Variants in USO1 observed in about 807,000 individuals in gnomAD.
USO1 encodes the protein USO1 vesicle transport factor.
In USO1, 57 loss-of-function variants were observed where a neutral mutation model predicts 124.5. The ratio of observed to expected loss-of-function variants is 0.46; its 90% CI spans 0.37 to 0.57. The LOEUF (loss-of-function observed/expected upper bound fraction) is 0.57, where lower values mean the gene tolerates loss of function less well. USO1 is among the 20% of genes least tolerant of loss of function. The probability of loss-of-function intolerance (pLI) is 0.00; values close to 1 mark genes in which losing one functional copy is unlikely to be tolerated. For synonymous variants in USO1, 369 were observed against 362.8 expected, an observed-to-expected ratio of 1.02 and a Z score of -0.19; for missense variants, 900 against 1,040.6, an observed-to-expected ratio of 0.86 and a Z score of 1.86.
Position 75,801,237 on chromosome 4 carries a change from C to G in USO1, c.1986+37C>G, listed in dbSNP as rs747072852. 6 of 1,503,036 alleles carry G rather than the reference C, an allele frequency of 4.0e-6. No homozygotes were observed. In the East Asian group the frequency reaches 1.2e-4, roughly 30 times the overall value. 93.1% of individuals were successfully genotyped at this position (1,503,036 alleles called of 1,614,324 possible). A position where few individuals can be genotyped will look rare whatever the true frequency, so the allele number is the denominator to read the frequency against. ...TGAACTGTATATACCCTCTGATTAC[C>G]AATAGGCACTTTCTGCTTTAAGGGA... On this transcript the variant is annotated intron_variant, in intron 17 of 23. Coordinates refer to ENST00000514213, the MANE Select transcript of USO1 (RefSeq NM_003715.4).
chr4:75,787,071 G>T lies in USO1; in HGVS notation c.865G>T (p.Val289Leu). 4 of 1,582,514 alleles carry T rather than the reference G, an allele frequency of 2.5e-6. No individual in the cohort carries two copies. Among genetic ancestry groups the T allele is most frequent in the South Asian group, 2.3e-5 (2 of 85,396 alleles). ...TCTCTTTCTTTCACAGCTTGTTCGT[G>T]TATTGGTATCTCCCACCAACCCTCC... ...NLHLMLQLVR[V>L]LVSPTNPPGA... is the part of the protein sequence containing the mutation. Residue 289 changes from valine to leucine, a missense_variant, in exon 10 of 24, where the codon GTA becomes TTA. Around this residue, in one of 2 missense-constraint regions of USO1, gnomAD observed 538 missense variants for 681.6 expected, o/e 0.79. Coordinates refer to ENST00000514213, the MANE Select transcript of USO1 (RefSeq NM_003715.4).
At chr4:75,780,536 G>C (rs1293787000) in intron 8 of USO1, among the ~76,000 whole-genome samples, 2 of 150,658 alleles carry the variant, frequency 1.3e-5, no homozygotes, top group East Asian at 3.9e-4. Flanking sequence ...CTCCCAAAGT[G>C]CTGGGATTAC....
intron 3 of USO1, among the ~76,000 whole-genome samples, chr4:75,754,287 TGATCAGG>T (rs1190753121): frequency 2.6e-5 from 4 of 151,662 alleles, no homozygotes; most frequent in Non-Finnish European, 4.4e-5. Context: ...TTCTCCATGT[TGATCAGG>T]CTGGTCTCGA....
rs985364442 is a variant in USO1, at chr4:75,753,668, T to C, written c.218+1064T>C. Among the ~76,000 whole-genome samples the C allele has an allele frequency of 7.9e-3, 1,196 of 152,224 alleles. 17 individuals carry two copies. Among genetic ancestry groups the C allele is most frequent in the African/African-American group, 0.027 (1,126 of 41,548 alleles). ...AGGAAGTCAAGGCTGCAGTGAGCCG[T>C]GATCATACCACTGTATTCCAACCTG... is the stretch of plus-strand genomic sequence containing the variant. On this transcript the variant is annotated intron_variant, in intron 3 of 23. Coordinates refer to ENST00000514213, the MANE Select transcript of USO1 (RefSeq NM_003715.4).
intron 4 of USO1, among the ~76,000 whole-genome samples, chr4:75,759,736 C>T (rs567055708): frequency 5.5e-4 from 84 of 151,430 alleles, no homozygotes; most frequent in African/African-American, 1.8e-3. Context: ...TGGAGAAACC[C>T]CGTCTCTACT....
In USO1 at chr4:75,724,968, T is replaced by A. The variant is rs770099076; in HGVS notation, c.66+83T>A. On this transcript the variant is annotated intron_variant, in intron 1 of 23. Transcript: ENST00000514213. ...AGCACTCGGAGACCCGAAGGTCACC[T>A]CCAGCGTCCCACCATGGAGGGGGCA... The A allele has an allele frequency of 2.0e-6, 3 of 1,486,130 alleles. No individual in the cohort carries two copies. The African/African-American group carries it at 4.2e-5, about 21-fold the overall frequency. The allele number at this position is 1,486,130 out of a possible 1,614,324, so 92.1% of individuals were successfully genotyped here.
intron 10 of USO1, 146 bp from the exon 11 acceptor site, chr4:75,790,004 A>G (rs1423870830): frequency 3.5e-5 from 31 of 891,910 alleles, no homozygotes; most frequent in Non-Finnish European, 4.8e-5. Context: ...ATATGTAACT[A>G]ACCTGCACAA....
chr4:75,770,863 T>TA lies in USO1; in HGVS notation c.439dup (p.Thr147AsnfsTer38). ...TCCGCTGGCCTGGTGTGAAGCTTCT[T>TA]ACTTCTCTTTTAAAACAACTAGGGC... On this transcript the variant is annotated frameshift_variant, in exon 6 of 24. Coordinates refer to ENST00000514213, the MANE Select transcript of USO1 (RefSeq NM_003715.4). LOFTEE classifies it high-confidence loss of function. 6.2e-7 allele frequency: 1 copy of TA among 1,613,878 alleles called. No individual in the cohort carries two copies. Among genetic ancestry groups the TA allele is most frequent in the Non-Finnish European group, 8.5e-7 (1 of 1,179,820 alleles).
At chr4:75,793,640 T>G in intron 12 of USO1, 50 bp from the exon 13 acceptor site, 1 of 1,546,972 alleles carries the variant, frequency 6.5e-7, no homozygotes, top group Non-Finnish European at 8.7e-7. Flanking sequence ...TAAAATTTGG[T>G]TTACGTCAAA....
At chr4:75,752,267 C>G (rs1210173000) in intron 1 of USO1, 106 bp from the exon 2 acceptor site, 2 of 395,476 alleles carry the variant, frequency 5.1e-6, no homozygotes, top group South Asian at 2.8e-4. Context: ...ATTTCTGTTA[C>G]ATCCCATGTG....
Position 75,758,066 on chromosome 4 carries a change from C to T in USO1, c.295+493C>T, listed in dbSNP as rs80173969. ...CTGTTTGGTGAACATTGCTATAAAT[C>T]GGTTTGAAATCCACACATTTCTTTG... On this transcript the variant is annotated intron_variant, in intron 4 of 23. Transcript: ENST00000514213. Among the ~76,000 whole-genome samples, 299 of 151,926 alleles carry T rather than the reference C, an allele frequency of 2.0e-3. 1 individual carries two copies. Among genetic ancestry groups the T allele is most frequent in the African/African-American group, 6.8e-3 (283 of 41,456 alleles).
rs536930150 is a variant in USO1, at chr4:75,749,683, GA to G, written c.67-2679del. Among the ~76,000 whole-genome samples, 142 of 137,178 alleles carry G rather than the reference GA, an allele frequency of 1.0e-3. 1 individual carries two copies. Among genetic ancestry groups the G allele is most frequent in the African/African-American group, 2.9e-3 (109 of 37,592 alleles). 90.0% of individuals were successfully genotyped at this position (137,178 alleles called of 152,430 possible). ...TACTTGCTTTTTTAATGATAGTCTT[GA>G]AAAAAAAAAAGTTAAAATACTAATT... On this transcript the variant is annotated intron_variant, in intron 1 of 23. Coordinates refer to ENST00000514213, the MANE Select transcript of USO1 (RefSeq NM_003715.4).
At chr4:75,791,598 A>G (rs1349544666) in intron 12 of USO1, among the ~76,000 whole-genome samples, 2 of 152,188 alleles carry the variant, frequency 1.3e-5, no homozygotes, top group African/African-American at 4.8e-5. Flanking sequence ...TTGTTCTAGT[A>G]TAGGTTAGAG....
At chr4:75,799,259 A>G (rs567228136) in intron 13 of USO1, among the ~76,000 whole-genome samples, 163 of 152,142 alleles carry the variant, frequency 1.1e-3, no homozygotes, top group African/African-American at 3.7e-3. Flanking sequence ...CTGAAATATC[A>G]TAAATTTGCT....
At chr4:75,776,390 C>G (rs1341093899) in intron 8 of USO1, among the ~76,000 whole-genome samples, 1 of 151,986 alleles carries the variant, frequency 6.6e-6, no homozygotes, top group East Asian at 1.9e-4. Context: ...TTGGCAATGG[C>G]ATCATGAAAG....
chr4:75,769,683 A>G (rs1721866595), intron 4 of USO1, among the ~76,000 whole-genome samples: 1 of 151,490 alleles, frequency 6.6e-6, no homozygotes, highest in Non-Finnish European at 1.5e-5. Flanking sequence ...TGAGTTTATA[A>G]TATAGGCAGA....
chr4:75,814,269 A>G lies in USO1; in HGVS notation c.*974A>G, dbSNP rs933961810. 6.6e-6 allele frequency: 1 copy of G among 152,238 alleles called. No individual in the cohort carries two copies. The highest frequency in any genetic ancestry group is 2.4e-5 in the African/African-American group (1 of 41,464). 9.4% of individuals were successfully genotyped at this position (152,238 alleles called of 1,614,324 possible). ...TTAAAAGTATTTTATTCTTAATAAA[A>G]GATGAGGCAAGTGAAAATGATGAGG... On this transcript the variant is annotated 3_prime_UTR_variant, in exon 24 of 24. Transcript: ENST00000514213.
rs1721317583 is a variant in USO1 at position 75,752,408 on chromosome 4, T to C, written c.102T>C (p.Thr34=). 1 of 398,328 alleles carries C rather than the reference T, an allele frequency of 2.5e-6. No individual in the cohort carries two copies. The allele number at this position is 398,328 out of a possible 1,614,324, so 24.7% of individuals were successfully genotyped here. A position where few individuals can be genotyped will look rare whatever the true frequency, so the allele number is the denominator to read the frequency against. The part of the protein sequence containing the change: ...QKLCDRVASS[T]LLDDRRNAVR... ...TTTGTGACAGAGTAGCTTCATCTAC[T>C]TTATTGGATGATCGAAGAAATGCTG... The change falls in exon 2 of 24, where the codon ACT becomes ACC. Residue 34 remains threonine (T), a synonymous_variant. Transcript: ENST00000514213.
At chr4:75,795,283 G>C (rs1722645447) in intron 13 of USO1, 17 of 698,022 alleles carry the variant, frequency 2.4e-5, no homozygotes, top group South Asian at 2.4e-4. Flanking sequence ...TCCAGATTTA[G>C]ACTTTTCTAA....
Sources: allele counts gnomAD v4.1 joint callset (sites outside exome capture counted in the v4.1 genomes callset), GRCh38; gene constraint gnomAD v4.1.1; regional missense constraint gnomAD v4.1.1; transcripts MANE v1.5; gene names NCBI Gene and HGNC (gene_info 2026-07-23, HGNC 2026-07-21).